The following SEC31A variants were observed in gnomAD, a reference collection of about 807,000 sequenced individuals.
The protein encoded by SEC31A is SEC31 homolog A, COPII component, also known as protein transport protein Sec31A.
In SEC31A, 70 loss-of-function variants were observed where a neutral mutation model predicts 151.0. That is an observed-to-expected ratio of 0.46 (90% CI 0.38 to 0.57). The LOEUF (loss-of-function observed/expected upper bound fraction) is 0.57, where lower values mean the gene tolerates loss of function less well. SEC31A is among the 20% of genes least tolerant of loss of function. SEC31A has a pLI of 0.00. For synonymous variants in SEC31A, 475 were observed against 505.9 expected, an observed-to-expected ratio of 0.94 and a Z score of 0.82; for missense variants, 1,330 against 1,471.2, an observed-to-expected ratio of 0.90 and a Z score of 1.57.
chr4:82,878,261 C>T (rs563584089), intron 4 of SEC31A, among the ~76,000 whole-genome samples: 61 of 151,934 alleles, frequency 4.0e-4, no homozygotes, highest in Admixed American at 1.1e-3. Flanking sequence ...TTTGGGAGGC[C>T]GAGGCGGGCG....
intron 1 of SEC31A, 185 bp downstream of exon 1, chr4:82,890,903 G>C: frequency 7.1e-7 from 1 of 1,412,954 alleles, no homozygotes. Context: ...GATCACTGGA[G>C]TCCAGATGCC....
chr4:82,841,853 T>A (rs1218124842), intron 22 of SEC31A, among the ~76,000 whole-genome samples: 1 of 150,580 alleles, frequency 6.6e-6, no homozygotes, highest in Non-Finnish European at 1.5e-5. Context: ...ATGTCTGTTA[T>A]CCCAGCTACT....
intron 22 of SEC31A, among the ~76,000 whole-genome samples, chr4:82,840,292 G>A (rs956903511): frequency 5.9e-5 from 9 of 151,996 alleles, no homozygotes; most frequent in African/African-American, 2.2e-4. Context: ...TTTTTAAGTG[G>A]GGATTTACTC....
chr4:82,861,327 G>A (rs1391955358), intron 14 of SEC31A, among the ~76,000 whole-genome samples: 2 of 152,188 alleles, frequency 1.3e-5, no homozygotes, highest in Non-Finnish European at 2.9e-5. Flanking sequence ...AATGCAGTGA[G>A]GATGTTTGAA....
At chr4:82,864,176 C>T (rs1734793341) in intron 11 of SEC31A, among the ~76,000 whole-genome samples, 186 bp downstream of exon 11, 1 of 152,012 alleles carries the variant, frequency 6.6e-6, no homozygotes, top group Admixed American at 6.6e-5. Context: ...CTTTTCAAAG[C>T]AGAGAAGGAA....
At position 82,851,571 on chromosome 4, in the gene SEC31A, C is replaced by T. The variant is rs764493640; in HGVS notation, c.2188G>A (p.Ala730Thr). ...LIEKVVILRK[A>T]VQLTQAMDTS... ...TCCATGGCTTGAGTGAGTTGCACAG[C>T]TTTTCGCAGGATGACAACTTTCTCA... Residue 730 changes from alanine (A) to threonine (T), a missense_variant, in exon 19 of 27, where the codon GCT (alanine) becomes ACT (threonine). Transcript: ENST00000395310. 47 of 1,611,204 alleles carry T rather than the reference C, an allele frequency of 2.9e-5. No individual in the cohort carries two copies. Among genetic ancestry groups the T allele is most frequent in the Non-Finnish European group, 3.8e-5 (45 of 1,178,566 alleles).
At chr4:82,829,270 A>G in intron 22 of SEC31A, 1 of 468,620 alleles carries the variant, frequency 2.1e-6, no homozygotes, top group Non-Finnish European at 3.8e-6. Context: ...GGTAGGTAAG[A>G]TATCTTGACA....
upstream of SEC31A, chr4:82,894,094 C>G (rs566042759): frequency 6.6e-6 from 1 of 152,262 alleles, no homozygotes; most frequent in Non-Finnish European, 1.5e-5. Context: ...GGGGATTTTT[C>G]TGCTGAAGCT....
chr4:82,852,225 T>C (rs961482901), intron 18 of SEC31A, among the ~76,000 whole-genome samples: 12 of 152,210 alleles, frequency 7.9e-5, no homozygotes, highest in African/African-American at 2.9e-4. Flanking sequence ...TCCCCAGTCA[T>C]GTGGAACTGT....
At chr4:82,857,910 AC>A in intron 14 of SEC31A, 146 bp from the exon 15 acceptor site, 2 of 549,392 alleles carry the variant, frequency 3.6e-6, no homozygotes, top group Admixed American at 6.4e-5. Flanking sequence ...CAAATTTACA[AC>A]TAAGATCTAT....
chr4:82,888,350 CAA>C (rs1177774222), intron 1 of SEC31A, among the ~76,000 whole-genome samples: 70 of 26,162 alleles, frequency 2.7e-3, no homozygotes, highest in African/African-American at 1.0e-2. Flanking sequence ...GACTCCGTCT[CAA>C]AAAAAAAAAA....
At chr4:82,822,413 G>C (rs2148921007) in intron 25 of SEC31A, among the ~76,000 whole-genome samples, 1 of 152,280 alleles carries the variant, frequency 6.6e-6, no homozygotes, top group East Asian at 1.9e-4. Context: ...CAGATATGTG[G>C]AGGAAGAGTT....
chr4:82,864,281 A>C (rs1734821489), intron 11 of SEC31A, 81 bp downstream of exon 11: 1 of 966,510 alleles, frequency 1.0e-6, no homozygotes, highest in African/African-American at 1.6e-5. Flanking sequence ...TGTTTCTTTA[A>C]TAGGAGGACA....
rs78777274 is a variant in SEC31A at position 82,837,864 on chromosome 4, T to C, written c.2968+4276A>G. ...TATAGGAGCATAATGGTAGAATCTA[T>C]GCACTGGCTAAGATACTTTTCAGTG... On this transcript the variant is annotated intron_variant, in intron 22 of 26. Transcript: ENST00000395310. Among the ~76,000 whole-genome samples the C allele has an allele frequency of 7.3e-3, 1,116 of 152,272 alleles. 15 individuals are homozygous for C. The highest frequency in any genetic ancestry group is 0.01 in the Middle Eastern group (3 of 294).
chr4:82,825,585 A>C (rs1311945085), intron 24 of SEC31A, among the ~76,000 whole-genome samples: 2 of 152,230 alleles, frequency 1.3e-5, no homozygotes, highest in Non-Finnish European at 2.9e-5. Flanking sequence ...AAGGGAGCTA[A>C]AAGGCCAGTA....
intron 20 of SEC31A, among the ~76,000 whole-genome samples, chr4:82,846,583 T>G (rs1170124917): frequency 6.6e-6 from 1 of 151,970 alleles, no homozygotes; most frequent in Non-Finnish European, 1.5e-5. Context: ...TTCAGCATAT[T>G]CAATGTGATG....
intron 24 of SEC31A, among the ~76,000 whole-genome samples, chr4:82,825,880 A>C (rs999970561): frequency 3.9e-5 from 6 of 152,180 alleles, no homozygotes; most frequent in African/African-American, 1.4e-4. Flanking sequence ...GGAGATTTAA[A>C]AGAGAGGTTA....
chr4:82,899,087 A>G (rs1204659737), intron 3 of SEC31A, among the ~76,000 whole-genome samples: 1 of 152,252 alleles, frequency 6.6e-6, no homozygotes, highest in Non-Finnish European at 1.5e-5. Context: ...AAACATTCCA[A>G]GTGAAAGAAG....
upstream of SEC31A, chr4:82,895,420 A>G (rs778230229): frequency 1.1e-4 from 16 of 152,254 alleles, no homozygotes; most frequent in Admixed American, 3.9e-4. Context: ...CAGTGAGCAG[A>G]GATTGCGCCG....
Sources: gnomAD v4.1 joint callset for allele counts (sites outside exome capture counted in the v4.1 genomes callset) on GRCh38, gnomAD v4.1.1 for gene constraint, MANE v1.5 for transcripts, NCBI Gene and HGNC (gene_info 2026-07-23, HGNC 2026-07-21) for gene names.